DHX29: variants seen among roughly 807,000 people sequenced by gnomAD.
DHX29 encodes DExH-box helicase 29, also known as ATP-dependent RNA helicase DHX29.
In DHX29, 79 loss-of-function variants were observed where a neutral mutation model predicts 167.9. The ratio of observed to expected loss-of-function variants is 0.47; its 90% CI spans 0.39 to 0.57. DHX29 has a LOEUF of 0.57. DHX29 is among the 20% of genes least tolerant of loss of function. The pLI, the probability that DHX29 is intolerant of heterozygous loss-of-function variation, is 0.00. For synonymous variants in DHX29, 530 were observed against 546.0 expected (o/e 0.97, Z 0.41); for missense variants, 1,347 against 1,593.4 (o/e 0.85, Z 2.63).
Position 55,294,062 on chromosome 5 carries a change from C to T in DHX29, c.735G>A (p.Lys245=), listed in dbSNP as rs369218755. The T allele has an allele frequency of 1.9e-5, 30 of 1,608,602 alleles. No individual in the cohort carries two copies. Among genetic ancestry groups the T allele is most frequent in the Non-Finnish European group, 5.9e-6 (7 of 1,178,176 alleles). The change falls in exon 6 of 27, where the codon AAG becomes AAA. Residue 245 remains lysine (K), a synonymous_variant. Coordinates refer to ENST00000251636, the MANE Select transcript of DHX29 (RefSeq NM_019030.4). ...CTTCTAAACTTTTAGAATTCTCATT[C>T]TTTTCTTCTTCATTTTGTTGTTCAG... ...RYAEQQNEEE[K]NENSKSLEEE... is the part of the protein sequence containing the mutation.
chr5:55,272,037 C>T, intron 18 of DHX29, 50 bp downstream of exon 18: 1 of 1,096,478 alleles, frequency 9.1e-7, no homozygotes, highest in Non-Finnish European at 1.3e-6. Context: ...TCAAGAGCCC[C>T]AACCTCTTTC....
intron 13 of DHX29, 21 bp downstream of exon 13, chr5:55,277,085 C>T (rs373873245): frequency 7.0e-5 from 110 of 1,573,128 alleles, no homozygotes; most frequent in Non-Finnish European, 8.8e-5. Flanking sequence ...TGCTTATACA[C>T]ACATTATAAA....
At position 55,277,291 on chromosome 5, in the gene DHX29, A is replaced by T; in HGVS notation, c.2110-9T>A. 1.3e-6 allele frequency: 2 copies of T among 1,571,734 alleles called. No homozygotes were observed. The highest frequency in any genetic ancestry group is 1.2e-5 in the South Asian group (1 of 85,996). On this transcript the variant is annotated splice_polypyrimidine_tract_variant and intron_variant, in intron 12 of 26. Transcript: ENST00000251636. Reference sequence around the variant, plus strand: ...ACACTTCTTTCATGAACCTAGTTTTAAAAAGGGAATAAAAAAGTTCATCAT... The same window carrying T: ...ACACTTCTTTCATGAACCTAGTTTTTAAAAGGGAATAAAAAAGTTCATCAT...
intron 18 of DHX29, among the ~76,000 whole-genome samples, chr5:55,271,701 C>G (rs1746860715): frequency 6.6e-6 from 1 of 152,206 alleles, no homozygotes; most frequent in African/African-American, 2.4e-5. Flanking sequence ...TTATATGTTA[C>G]ATTACTTGCT....
chr5:55,299,251 T>G (rs1196735893), intron 1 of DHX29, among the ~76,000 whole-genome samples: 1 of 152,232 alleles, frequency 6.6e-6, no homozygotes, highest in Non-Finnish European at 1.5e-5. Context: ...TTTATCCTCA[T>G]ATCTTTTAGT....
In DHX29 at chr5:55,270,596, C is replaced by T. The variant is rs754591848; in HGVS notation, c.2975G>A (p.Arg992Gln). 6.2e-6 allele frequency: 10 copies of T among 1,614,058 alleles called. No individual in the cohort carries two copies. Among genetic ancestry groups the T allele is most frequent in the Admixed American group, 1.7e-5 (1 of 59,996 alleles). Residue 992 changes from arginine (R) to glutamine (Q), a missense_variant, in exon 19 of 27, where the codon CGA becomes CAA. Transcript: ENST00000251636. ...AGRVRDGFCF[R>Q]MYTRERFEGF... ...GCCATACCTTTCTCTTGTGTACATT[C>T]GGAAACAGAAGCCATCTCTGACCCG... is the stretch of plus-strand genomic sequence containing the variant.
At chr5:55,265,706 G>C (rs1746525197) in intron 23 of DHX29, among the ~76,000 whole-genome samples, 1 of 149,384 alleles carries the variant, frequency 6.7e-6, no homozygotes, top group Non-Finnish European at 1.5e-5. Context: ...AGGTAACTGA[G>C]GATACTTAAA....
intron 1 of DHX29, among the ~76,000 whole-genome samples, chr5:55,300,566 G>A (rs1330462596): frequency 1.3e-5 from 2 of 151,922 alleles, no homozygotes; most frequent in African/African-American, 2.4e-5. Flanking sequence ...CCAGCTACTT[G>A]GGAAGCTGAG....
chr5:55,293,258 G>A (rs1179925323), intron 6 of DHX29, among the ~76,000 whole-genome samples: 1 of 152,160 alleles, frequency 6.6e-6, no homozygotes, highest in African/African-American at 2.4e-5. Context: ...ACAAGTCTTT[G>A]TGAACAAATG....
At chr5:55,305,343 A>G (rs1748807432) in intron 1 of DHX29, among the ~76,000 whole-genome samples, 2 of 152,242 alleles carry the variant, frequency 1.3e-5, no homozygotes, top group South Asian at 4.1e-4. Context: ...GAAGAAAAAC[A>G]TGGCAAGAAT....
At chr5:55,283,909 A>G (rs1747579445) in intron 10 of DHX29, 98 bp from the exon 11 acceptor site, 2 of 983,192 alleles carry the variant, frequency 2.0e-6, no homozygotes, top group Non-Finnish European at 1.4e-6. Context: ...ATCTTAAAAT[A>G]TAATTTGACT....
At chr5:55,257,622 A>G (rs971123197) in intron 26 of DHX29, among the ~76,000 whole-genome samples, 1 of 152,164 alleles carries the variant, frequency 6.6e-6, no homozygotes, top group Admixed American at 6.5e-5. Context: ...TGAGGAAGAG[A>G]GAGTAAAAGA....
intron 23 of DHX29, 56 bp from the exon 24 acceptor site, chr5:55,262,988 A>C: frequency 7.4e-7 from 1 of 1,345,512 alleles, no homozygotes; most frequent in Non-Finnish European, 1.0e-6. Flanking sequence ...GGAATTTCCA[A>C]ATAACATTGT....
intron 3 of DHX29, among the ~76,000 whole-genome samples, 154 bp downstream of exon 3, chr5:55,297,126 CTTGAT>C (rs1561168504): frequency 3.3e-5 from 5 of 152,254 alleles, no homozygotes; most frequent in South Asian, 2.1e-4. Flanking sequence ...CTTGTACCTT[CTTGAT>C]TTAAGGTGTG....
intron 1 of DHX29, among the ~76,000 whole-genome samples, chr5:55,299,583 A>AG (rs1377165534): frequency 4.0e-5 from 6 of 151,636 alleles, no homozygotes; most frequent in Non-Finnish European, 3.0e-5. Flanking sequence ...CTAGGTAAGA[A>AG]TCGTTCCTTC....
chr5:55,300,154 T>C (rs1748526921), intron 1 of DHX29, among the ~76,000 whole-genome samples: 2 of 151,814 alleles, frequency 1.3e-5, no homozygotes, highest in African/African-American at 2.4e-5. Flanking sequence ...GGAGGATCTC[T>C]TGAGCCCAGG....
chr5:55,302,478 G>C (rs1748651915), intron 1 of DHX29, among the ~76,000 whole-genome samples: 1 of 151,966 alleles, frequency 6.6e-6, no homozygotes, highest in Non-Finnish European at 1.5e-5. Context: ...ATATTAGCTA[G>C]GTGTGGTGGC....
chr5:55,282,066 G>A (rs550865907), intron 11 of DHX29, among the ~76,000 whole-genome samples: 3 of 152,234 alleles, frequency 2.0e-5, no homozygotes, highest in South Asian at 2.1e-4. Context: ...GATTATAGGC[G>A]TGAGCCACCA....
At chr5:55,257,253 G>A (rs1043715229) in intron 26 of DHX29, among the ~76,000 whole-genome samples, 2 of 152,068 alleles carry the variant, frequency 1.3e-5, no homozygotes, top group Non-Finnish European at 2.9e-5. Context: ...CAATTATCAG[G>A]GCTGCAAAAC....
Sources: allele counts gnomAD v4.1 joint callset (sites outside exome capture counted in the v4.1 genomes callset), GRCh38; gene constraint gnomAD v4.1.1; transcripts MANE v1.5; gene names NCBI Gene and HGNC (gene_info 2026-07-23, HGNC 2026-07-21).